The following CHST11 variants were observed in gnomAD, a reference collection of about 807,000 sequenced individuals.
CHST11 encodes the protein C4S-1.
A neutral mutation model predicts 30.4 loss-of-function variants in CHST11; 9 were observed. The observed-to-expected ratio is 0.30, with a 90% CI of 0.18 to 0.52. The LOEUF (loss-of-function observed/expected upper bound fraction) is 0.52. CHST11 is among the 20% of genes least tolerant of loss of function. CHST11 has a pLI of 0.97. For missense variants in CHST11, 348 were observed against 460.6 expected, an observed-to-expected ratio of 0.76 and a Z score of 2.24; for synonymous variants, 152 against 187.8, an observed-to-expected ratio of 0.81 and a Z score of 1.56.
Position 104,759,776 on chromosome 12 carries a change from G to A in CHST11, c.*1973G>A, listed in dbSNP as rs1009865278. 2 of 152,168 alleles carry A rather than the reference G, an allele frequency of 1.3e-5. No individual in the cohort carries two copies. The highest frequency in any genetic ancestry group is 4.8e-5 in the African/African-American group (2 of 41,440). The allele number at this position is 152,168 out of a possible 1,614,324, so 9.4% of individuals were successfully genotyped here. On this transcript the variant is annotated 3_prime_UTR_variant, in exon 3 of 3. Transcript: ENST00000303694. ...TGAAGGGCGCAGCAACTATACCCTT[G>A]ATGGATGGAGATTTACGCAATGTGT...
chr12:104,462,262 G>T (rs2037417573), intron 1 of CHST11, among the ~76,000 whole-genome samples: 1 of 147,430 alleles, frequency 6.8e-6, no homozygotes, highest in Admixed American at 6.8e-5. Context: ...AGAGGCAACT[G>T]GTACTTTAAA....
At chr12:104,485,254 C>T (rs1173539445) in intron 1 of CHST11, among the ~76,000 whole-genome samples, 1 of 152,152 alleles carries the variant, frequency 6.6e-6, no homozygotes, top group Non-Finnish European at 1.5e-5. Flanking sequence ...CCCGACCTTG[C>T]TTTGAGAAAC....
intron 1 of CHST11, among the ~76,000 whole-genome samples, chr12:104,553,836 C>T (rs752151749): frequency 1.2e-4 from 18 of 152,186 alleles, no homozygotes; most frequent in Non-Finnish European, 2.2e-4. Context: ...AAACAACACA[C>T]GTTTATTATA....
rs113561096 is a variant in CHST11 at position 104,583,207 on chromosome 12, C to CT, written c.119-18693dup. 7.8e-3 allele frequency among the ~76,000 whole-genome samples: 1,181 copies of CT among 152,218 alleles called. 11 individuals are homozygous for CT. The highest frequency in any genetic ancestry group is 0.026 in the African/African-American group (1,091 of 41,534). The stretch of plus-strand genomic sequence containing the variant: ...CTTGTCTCTCCATTTTGTCATAACA[C>CT]TTTTTTATCTTTACTTTAAGATGAA... On this transcript the variant is annotated intron_variant, in intron 1 of 2. Coordinates refer to ENST00000303694, the MANE Select transcript of CHST11 (RefSeq NM_018413.6).
rs563799024 is a variant in CHST11 at position 104,617,573 on chromosome 12, G to A, written c.204+15582G>A. On this transcript the variant is annotated intron_variant, in intron 2 of 2. Coordinates refer to ENST00000303694, the MANE Select transcript of CHST11 (RefSeq NM_018413.6). ...TTACTAGCAGTGGGATTTTGAGCAAGTAATTCAACTTCTAGGTTTCAACTT... is the reference window on the plus strand; with the variant it reads ...TTACTAGCAGTGGGATTTTGAGCAAATAATTCAACTTCTAGGTTTCAACTT... Among the ~76,000 whole-genome samples the A allele has an allele frequency of 1.9e-4, 29 of 152,302 alleles. No homozygotes were observed. In the South Asian group the frequency reaches 5.6e-3, roughly 29 times the overall value.
chr12:104,700,977 G>A (rs1405281899), intron 2 of CHST11, among the ~76,000 whole-genome samples: 8 of 152,102 alleles, frequency 5.3e-5, no homozygotes, highest in African/African-American at 1.9e-4. Flanking sequence ...GCATGGTGGT[G>A]CACACCTGTA....
At chr12:104,641,313 A>G (rs942256545) in intron 2 of CHST11, among the ~76,000 whole-genome samples, 13 of 152,182 alleles carry the variant, frequency 8.5e-5, no homozygotes, top group African/African-American at 2.4e-4. Context: ...AGCTGTTAAC[A>G]CTTAATCTGT....
At chr12:104,503,651 T>C (rs1404863017) in intron 1 of CHST11, among the ~76,000 whole-genome samples, 1 of 152,150 alleles carries the variant, frequency 6.6e-6, no homozygotes, top group Non-Finnish European at 1.5e-5. Flanking sequence ...CCCTGTATCT[T>C]GTGTCCCCTA....
intron 2 of CHST11, among the ~76,000 whole-genome samples, chr12:104,697,827 A>G (rs2039959964): frequency 6.6e-6 from 1 of 152,210 alleles, no homozygotes; most frequent in Non-Finnish European, 1.5e-5. Context: ...TGGACTCAGG[A>G]GCACTTTTCT....
chr12:104,708,170 G>A (rs2040053102), intron 2 of CHST11, among the ~76,000 whole-genome samples: 1 of 152,220 alleles, frequency 6.6e-6, no homozygotes, highest in Admixed American at 6.5e-5. Flanking sequence ...AAAGTCAGTG[G>A]GGTGTTAGGG....
At chr12:104,505,010 C>T (rs771107786) in intron 1 of CHST11, among the ~76,000 whole-genome samples, 1 of 152,140 alleles carries the variant, frequency 6.6e-6, no homozygotes, top group South Asian at 2.1e-4. Context: ...ATTCTGTCAC[C>T]AGAGCATGTC....
chr12:104,587,987 T>C (rs952036178), intron 1 of CHST11, among the ~76,000 whole-genome samples: 12 of 152,140 alleles, frequency 7.9e-5, no homozygotes, highest in African/African-American at 1.7e-4. Flanking sequence ...AAGTCTTTCA[T>C]ATTGTATTGC....
At chr12:104,656,794 C>A (rs2039548423) in intron 2 of CHST11, among the ~76,000 whole-genome samples, 1 of 152,120 alleles carries the variant, frequency 6.6e-6, no homozygotes, top group African/African-American at 2.4e-5. Context: ...GAAAGGAAGA[C>A]CAAATCCTTA....
At chr12:104,638,352 TAC>T (rs768471617) in intron 2 of CHST11, among the ~76,000 whole-genome samples, 2 of 152,152 alleles carry the variant, frequency 1.3e-5, no homozygotes, top group Non-Finnish European at 2.9e-5. Flanking sequence ...AATATGTTCT[TAC>T]TATAGGTTGA....
intron 1 of CHST11, among the ~76,000 whole-genome samples, chr12:104,488,783 A>G (rs1424586861): frequency 6.6e-6 from 1 of 151,562 alleles, no homozygotes; most frequent in Non-Finnish European, 1.5e-5. Context: ...CTATACACAT[A>G]CCAAGCCTGT....
Position 104,758,811 on chromosome 12 carries a change from T to A in CHST11, c.*1008T>A, listed in dbSNP as rs2040500716. On this transcript the variant is annotated 3_prime_UTR_variant, in exon 3 of 3. Coordinates refer to ENST00000303694, the MANE Select transcript of CHST11 (RefSeq NM_018413.6). ...ACATTCGGAGCAGGCCACTTTATAT[T>A]CGTGAGTGATCCCAAGCTCACTGAC... 6.6e-6 allele frequency: 1 copy of A among 152,200 alleles called. No homozygotes were observed. The highest frequency in any genetic ancestry group is 2.1e-4 in the South Asian group (1 of 4,830). 9.4% of individuals were successfully genotyped at this position (152,200 alleles called of 1,614,324 possible). A position where few individuals can be genotyped will look rare whatever the true frequency, so the allele number is the denominator to read the frequency against.
intron 1 of CHST11, among the ~76,000 whole-genome samples, chr12:104,501,542 TC>T (rs1440567008): frequency 6.6e-5 from 10 of 152,302 alleles, no homozygotes; most frequent in African/African-American, 2.4e-4. Flanking sequence ...CTTGGGCAAA[TC>T]GCTTAGCTCA....
chr12:104,667,684 G>C (rs1003258611), intron 2 of CHST11, among the ~76,000 whole-genome samples: 1 of 152,140 alleles, frequency 6.6e-6, no homozygotes, highest in African/African-American at 2.4e-5. Context: ...ATTCCTCTGG[G>C]CCTCAGTTTC....
At chr12:104,725,819 G>A (rs1017579895) in intron 2 of CHST11, among the ~76,000 whole-genome samples, 1 of 152,024 alleles carries the variant, frequency 6.6e-6, no homozygotes, top group African/African-American at 2.4e-5. Flanking sequence ...CACACAGGAC[G>A]GATGGTCCGT....
Sources: allele counts gnomAD v4.1 joint callset (sites outside exome capture counted in the v4.1 genomes callset), GRCh38; gene constraint gnomAD v4.1.1; transcripts MANE v1.5; gene names NCBI Gene and HGNC (gene_info 2026-07-23, HGNC 2026-07-21).